The following RIMS2 variants were observed in gnomAD, a reference collection of about 807,000 sequenced individuals.
The protein encoded by RIMS2 is regulating synaptic membrane exocytosis protein 2.
A neutral mutation model predicts 174.4 loss-of-function variants in RIMS2; 59 were observed. That is an observed-to-expected ratio of 0.34 (90% confidence interval 0.27 to 0.42). The LOEUF (loss-of-function observed/expected upper bound fraction) is 0.42. Ranked by LOEUF, RIMS2 falls within the 10% of genes least tolerant of loss-of-function variation. The probability of loss-of-function intolerance (pLI) is 1.00; values close to 1 mark genes in which losing one functional copy is unlikely to be tolerated. For synonymous variants in RIMS2, 606 were observed against 572.5 expected, an observed-to-expected ratio of 1.06 and a Z score of -0.84; for missense variants, 1,620 against 1,666.3, an observed-to-expected ratio of 0.97 and a Z score of 0.48.
chr8:104,027,191 A>G (rs1326275853), intron 19 of RIMS2, among the ~76,000 whole-genome samples: 2 of 152,168 alleles, frequency 1.3e-5, no homozygotes, highest in Non-Finnish European at 2.9e-5. Context: ...GATGGCCTGA[A>G]CTAAAGCAGA....
At chr8:104,133,576 T>C (rs908086142) in intron 19 of RIMS2, among the ~76,000 whole-genome samples, 22 of 152,170 alleles carry the variant, frequency 1.4e-4, no homozygotes, top group African/African-American at 5.3e-4. Context: ...CAGACTGCCA[T>C]AAAATGATTT....
intron 15 of RIMS2, among the ~76,000 whole-genome samples, chr8:103,973,513 A>G (rs1217134550): frequency 1.3e-5 from 2 of 152,218 alleles, no homozygotes; most frequent in Non-Finnish European, 2.9e-5. Flanking sequence ...TATTTACTAT[A>G]TAATAGGAGT....
At position 103,677,421 on chromosome 8, in the gene RIMS2, T is replaced by G. The variant is rs185784602; in HGVS notation, c.177-19665T>G. Among the ~76,000 whole-genome samples, 8 of 152,130 alleles carry G rather than the reference T, an allele frequency of 5.3e-5. No homozygotes were observed. In the East Asian group the frequency reaches 1.4e-3, roughly 26 times the overall value. On this transcript the variant is annotated intron_variant, in intron 1 of 23. Transcript: ENST00000504942. ...CAGGCCAGATAATTATCAGATAGAG[T>G]GTGATCTGGGACCCAGTTTAGTTTC...
chr8:103,820,201 T>C (rs1337742278), intron 3 of RIMS2, among the ~76,000 whole-genome samples: 1 of 152,092 alleles, frequency 6.6e-6, no homozygotes, highest in Non-Finnish European at 1.5e-5. Context: ...CTGATCATTT[T>C]TCTATGGTGA....
chr8:104,180,803 A>G lies in RIMS2; in HGVS notation c.3335-64113A>G, dbSNP rs188830358. ...AAGGAATAAGAAGTAAATTTTTTAAATGTATTAATAAAGTAACTAGGACAA... is the reference window on the plus strand; with the variant it reads ...AAGGAATAAGAAGTAAATTTTTTAAGTGTATTAATAAAGTAACTAGGACAA... On this transcript the variant is annotated intron_variant, in intron 19 of 23. Coordinates refer to ENST00000504942, the Ensembl canonical transcript of RIMS2. Among the ~76,000 whole-genome samples the G allele has an allele frequency of 1.7e-4, 26 of 151,850 alleles. No individual in the cohort carries two copies. In the East Asian group the frequency reaches 4.3e-3, roughly 25 times the overall value.
At chr8:104,224,923 T>C (rs1192278567) in intron 19 of RIMS2, among the ~76,000 whole-genome samples, 1 of 152,234 alleles carries the variant, frequency 6.6e-6, no homozygotes, top group African/African-American at 2.4e-5. Flanking sequence ...TATAAATCAA[T>C]ATAGATTTAA....
intron 19 of RIMS2, among the ~76,000 whole-genome samples, chr8:104,224,025 G>GT (rs1325776025): frequency 6.6e-6 from 1 of 152,242 alleles, no homozygotes; most frequent in East Asian, 1.9e-4. Flanking sequence ...TCCTAGTGGA[G>GT]TTGTATTACA....
chr8:104,132,362 A>G (rs1231117672), intron 19 of RIMS2, among the ~76,000 whole-genome samples: 1 of 152,188 alleles, frequency 6.6e-6, no homozygotes. Context: ...CTGAGGTCAG[A>G]AAAATCAATA....
intron 15 of RIMS2, among the ~76,000 whole-genome samples, chr8:103,963,757 A>G (rs1398433572): frequency 6.6e-6 from 1 of 152,190 alleles, no homozygotes; most frequent in Non-Finnish European, 1.5e-5. Context: ...GGTGTCAAAT[A>G]TTCATTGGAT....
chr8:104,201,387 C>T (rs1258216481), intron 19 of RIMS2, among the ~76,000 whole-genome samples: 2 of 152,006 alleles, frequency 1.3e-5, no homozygotes, highest in Non-Finnish European at 2.9e-5. Context: ...TAAAAAGATT[C>T]TCAAAATAAG....
chr8:103,712,028 G>T (rs1470321413), intron 2 of RIMS2, among the ~76,000 whole-genome samples: 5 of 151,294 alleles, frequency 3.3e-5, no homozygotes, highest in Non-Finnish European at 5.9e-5. Context: ...GTTTCACTCT[G>T]TCAACCAGGT....
chr8:103,519,950 T>C (rs1830835268), intron 1 of RIMS2, among the ~76,000 whole-genome samples: 1 of 152,094 alleles, frequency 6.6e-6, no homozygotes, highest in South Asian at 2.1e-4. Flanking sequence ...TTTTTATGAC[T>C]GCAAATATTG....
chr8:104,093,759 G>A, intron 19 of RIMS2, 116 bp downstream of exon 24: 2 of 739,186 alleles, frequency 2.7e-6, no homozygotes, highest in Non-Finnish European at 4.1e-6. Flanking sequence ...TAAAGCCAGG[G>A]GAGCTTAACT....
intron 19 of RIMS2, among the ~76,000 whole-genome samples, chr8:104,036,137 ATTT>A (rs2096509506): frequency 2.4e-5 from 1 of 42,350 alleles, no homozygotes; most frequent in Non-Finnish European, 4.5e-5. Context: ...ATTTTATTTT[ATTT>A]ATTTATTTAT....
At position 103,697,071 on chromosome 8, in the gene RIMS2, C is replaced by T. The variant is rs1324671440; in HGVS notation, c.177-15C>T. ...TCAGGAAACCAACTTTTTTTCTTAT[C>T]TATTTTCTCTGCAGAAAACTGCATC... On this transcript the variant is annotated splice_polypyrimidine_tract_variant and intron_variant, in intron 1 of 23. Coordinates refer to ENST00000504942, the Ensembl canonical transcript of RIMS2. 3 of 1,588,606 alleles carry T rather than the reference C, an allele frequency of 1.9e-6. No individual in the cohort carries two copies. The highest frequency in any genetic ancestry group is 2.2e-5 in the East Asian group (1 of 44,620).
intron 19 of RIMS2, among the ~76,000 whole-genome samples, chr8:104,017,833 T>C (rs1201201821): frequency 4.6e-5 from 7 of 152,114 alleles, no homozygotes; most frequent in Non-Finnish European, 8.8e-5. Flanking sequence ...CCCAGCACTT[T>C]GGGAGGCTGA....
intron 19 of RIMS2, chr8:104,223,295 A>C: frequency 1.2e-6 from 1 of 832,208 alleles, no homozygotes; most frequent in Non-Finnish European, 1.5e-6. Flanking sequence ...CGGGGACCGC[A>C]GCATCAGCGG....
intron 2 of RIMS2, among the ~76,000 whole-genome samples, chr8:103,739,444 G>T (rs536748769): frequency 1.3e-5 from 2 of 152,228 alleles, no homozygotes; most frequent in South Asian, 4.2e-4. Context: ...CGAGTTAATG[G>T]GTGCAGCACA....
At chr8:104,059,506 C>G (rs903137838) in intron 19 of RIMS2, among the ~76,000 whole-genome samples, 3 of 149,656 alleles carry the variant, frequency 2.0e-5, no homozygotes, top group Admixed American at 6.7e-5. Flanking sequence ...ACAATCATGT[C>G]ATCTGCAAAC....
Sources: gnomAD v4.1 joint callset for allele counts (sites outside exome capture counted in the v4.1 genomes callset) on GRCh38, gnomAD v4.1.1 for gene constraint, MANE v1.5 for transcripts, NCBI Gene and HGNC (gene_info 2026-07-23, HGNC 2026-07-21) for gene names.